The following PSG5 variants were observed in gnomAD, a reference collection of about 807,000 sequenced individuals.
PSG5 encodes the protein pregnancy specific beta-1-glycoprotein 5, also known as pregnancy-specific beta-1-glycoprotein 5.
Under a neutral mutation model 37.7 loss-of-function variants are expected in PSG5, and 53 were observed. That is an observed-to-expected ratio of 1.41 (90% CI 1.13 to 1.77). PSG5 has a LOEUF of 1.77. Ranked by LOEUF, PSG5 falls within the 40% of genes most tolerant of loss-of-function variation. PSG5 has a pLI of 0.00. For synonymous variants in PSG5, 221 were observed against 155.4 expected, an observed-to-expected ratio of 1.42 and a Z score of -3.14; for missense variants, 547 against 405.2, an observed-to-expected ratio of 1.35 and a Z score of -3.00.
At chr19:43,180,180 T>C (rs1326157557) in intron 2 of PSG5, among the ~76,000 whole-genome samples, 1 of 151,536 alleles carries the variant, frequency 6.6e-6, no homozygotes, top group Non-Finnish European at 1.5e-5. Context: ...GAGAGTAGAA[T>C]AGTAGTTTGC....
chr19:43,184,694 G>A (rs1448605967), intron 2 of PSG5, 88 bp downstream of exon 2: 3 of 1,593,204 alleles, frequency 1.9e-6, no homozygotes, highest in Non-Finnish European at 2.6e-6. Flanking sequence ...GAGGGACACA[G>A]GCACAGTGCA....
intron 2 of PSG5, among the ~76,000 whole-genome samples, chr19:43,182,857 A>G (rs1281515780): frequency 1.3e-5 from 2 of 148,274 alleles, no homozygotes; most frequent in Admixed American, 1.4e-4. Flanking sequence ...GTGGAAGCTC[A>G]TTCTCTTAGT....
At chr19:43,185,442 C>T (rs10408535) in intron 1 of PSG5, among the ~76,000 whole-genome samples, 3 of 140,786 alleles carry the variant, frequency 2.1e-5, no homozygotes, top group Non-Finnish European at 4.7e-5. Flanking sequence ...CCCCCCCCCC[C>T]ACACTGCCCT....
intron 4 of PSG5, chr19:43,170,406 T>C (rs1219390025): frequency 2.1e-6 from 1 of 468,422 alleles, no homozygotes; most frequent in Non-Finnish European, 3.8e-6. Flanking sequence ...AAAGGCTGAT[T>C]GCTATTTTCT....
At chr19:43,177,023 T>C (rs913284568) in intron 2 of PSG5, among the ~76,000 whole-genome samples, 9 of 151,768 alleles carry the variant, frequency 5.9e-5, no homozygotes, top group Non-Finnish European at 1.3e-4. Flanking sequence ...CTGGTCCTCA[T>C]GGACCATGTG....
chr19:43,181,145 G>T (rs1279570679), intron 2 of PSG5, among the ~76,000 whole-genome samples: 1 of 151,534 alleles, frequency 6.6e-6, no homozygotes, highest in Non-Finnish European at 1.5e-5. Flanking sequence ...GTTTTATGTG[G>T]CACAGGCAGT....
In PSG5 at chr19:43,176,148, A is replaced by G. The variant is rs2355436; in HGVS notation, c.431T>C (p.Leu144Pro). Residue 144 changes from leucine to proline, a missense_variant and splice_region_variant, in exon 3 of 6, where the codon CTG (leucine) becomes CCG (proline). Coordinates refer to ENST00000342951, the MANE Select transcript of PSG5 (RefSeq NM_002781.4). ...GGTGATGTAGGGCTTGGGCAGCTTC[A>G]CTGTGTGGATAACAGAGAGAAGATT... ...VTGYFTFNLY[L>P]KLPKPYITIN... The G allele has an allele frequency of 7.3e-4, 1,176 of 1,611,042 alleles. 35 individuals are homozygous for G. In the East Asian group the frequency reaches 0.018, roughly 25 times the overall value.
chr19:43,174,340 CTT>C, intron 4 of PSG5: 7 of 601,548 alleles, frequency 1.2e-5, no homozygotes, highest in Non-Finnish European at 1.5e-5. Context: ...AATGGTAAGT[CTT>C]ATATTAGATA....
At chr19:43,175,670 A>G in intron 3 of PSG5, 200 bp downstream of exon 3, 1 of 1,388,784 alleles carries the variant, frequency 7.2e-7, no homozygotes, top group Non-Finnish European at 9.7e-7. Flanking sequence ...GTCTCCCATG[A>G]CAAGAGCGCC....
intron 5 of PSG5, among the ~76,000 whole-genome samples, chr19:43,169,047 G>A (rs545079564): frequency 6.6e-6 from 1 of 151,666 alleles, no homozygotes; most frequent in East Asian, 1.9e-4. Context: ...CTTTAAACTG[G>A]AACTAATGGG....
intron 3 of PSG5, 186 bp from the exon 4 acceptor site, chr19:43,175,655 A>G: frequency 7.2e-7 from 1 of 1,389,280 alleles, no homozygotes; most frequent in African/African-American, 1.5e-5. Flanking sequence ...AGCTATTGAC[A>G]CAAAGTCTCC....
chr19:43,175,594 C>T (rs1332341794), intron 3 of PSG5, 125 bp from the exon 4 acceptor site: 3 of 1,456,100 alleles, frequency 2.1e-6, no homozygotes, highest in Non-Finnish European at 1.8e-6. Flanking sequence ...CGAACCCCCA[C>T]TATATTCACT....
intron 4 of PSG5, chr19:43,170,509 G>A: frequency 2.2e-6 from 1 of 446,390 alleles, no homozygotes; most frequent in Non-Finnish European, 4.4e-6. Context: ...GACTCTGTCA[G>A]GTCTCCATGG....
At chr19:43,169,914 C>T (rs915220621) in intron 5 of PSG5, 141 bp downstream of exon 5, 5 of 530,144 alleles carry the variant, frequency 9.4e-6, no homozygotes, top group African/African-American at 2.0e-5. Context: ...AAGGGAACTG[C>T]AGGAATTAGT....
intron 2 of PSG5, chr19:43,183,328 T>C (rs745447953): frequency 3.8e-5 from 18 of 475,506 alleles, no homozygotes; most frequent in Non-Finnish European, 6.3e-5. Flanking sequence ...GGGACAGGTG[T>C]GGCTAGAACC....
chr19:43,178,860 A>T (rs1347114192), intron 2 of PSG5: 1 of 1,612,776 alleles, frequency 6.2e-7, no homozygotes, highest in East Asian at 2.2e-5. Context: ...TGGCTCACAG[A>T]GGAACAGAGG....
chr19:43,176,293 A>G, intron 2 of PSG5, 145 bp from the exon 3 acceptor site: 1 of 1,415,712 alleles, frequency 7.1e-7, no homozygotes, highest in Non-Finnish European at 9.6e-7. Flanking sequence ...CACAAGATAG[A>G]TGCATGATGA....
intron 2 of PSG5, among the ~76,000 whole-genome samples, chr19:43,182,726 G>A (rs1356318237): frequency 2.8e-5 from 1 of 35,856 alleles, no homozygotes; most frequent in Non-Finnish European, 5.2e-5. Flanking sequence ...TTTTTTTTGT[G>A]CAGGAGGCCA....
intron 2 of PSG5, among the ~76,000 whole-genome samples, chr19:43,181,612 C>T (rs1969130056): frequency 6.6e-6 from 1 of 151,712 alleles, no homozygotes; most frequent in Admixed American, 6.6e-5. Flanking sequence ...GCATCCGCCA[C>T]CACGCCCAGC....
Sources: gnomAD v4.1 joint callset for allele counts (sites outside exome capture counted in the v4.1 genomes callset) on GRCh38, gnomAD v4.1.1 for gene constraint, MANE v1.5 for transcripts, NCBI Gene and HGNC (gene_info 2026-07-23, HGNC 2026-07-21) for gene names.